Variants in NALF1 observed in about 807,000 individuals in gnomAD.
The protein encoded by NALF1 is family with sequence similarity 155 member A.
In NALF1, 3 loss-of-function variants were observed where a neutral mutation model predicts 48.4. That is an observed-to-expected ratio of 0.06 (90% confidence interval 0.03 to 0.16). The LOEUF (loss-of-function observed/expected upper bound fraction) is 0.16, where lower values mean the gene tolerates loss of function less well. Among genes scored for constraint, NALF1 ranks in the 10% least tolerant of loss-of-function variants. The pLI, the probability that NALF1 is intolerant of heterozygous loss-of-function variation, is 1.00. For synonymous variants in NALF1, 262 were observed against 245.7 expected (o/e 1.07, Z -0.62); for missense variants, 526 against 571.5 (o/e 0.92, Z 0.81).
At chr13:107,280,865 C>G (rs1881373388) in intron 1 of NALF1, among the ~76,000 whole-genome samples, 1 of 152,170 alleles carries the variant, frequency 6.6e-6, no homozygotes, top group Admixed American at 6.5e-5. Flanking sequence ...AATTGCATCC[C>G]TGATTTTTCT....
chr13:107,281,612 G>A (rs1182275651), intron 1 of NALF1, among the ~76,000 whole-genome samples: 8 of 152,094 alleles, frequency 5.3e-5, no homozygotes, highest in African/African-American at 1.4e-4. Flanking sequence ...ATATGAAGGC[G>A]GTGCATCCAT....
At chr13:107,305,579 G>T (rs1881920773) in intron 1 of NALF1, among the ~76,000 whole-genome samples, 1 of 152,170 alleles carries the variant, frequency 6.6e-6, no homozygotes, top group African/African-American at 2.4e-5. Context: ...CTGACACAGT[G>T]AGGATGGCAG....
chr13:107,540,410 A>G (rs185474351), intron 1 of NALF1, among the ~76,000 whole-genome samples: 149 of 152,264 alleles, frequency 9.8e-4, no homozygotes, highest in African/African-American at 3.2e-3. Flanking sequence ...CATAAACAAC[A>G]TTTAAATTTC....
intron 1 of NALF1, among the ~76,000 whole-genome samples, chr13:107,629,203 CTTCA>C (rs1407452273): frequency 2.6e-5 from 4 of 152,140 alleles, no homozygotes; most frequent in Non-Finnish European, 4.4e-5. Context: ...CAAAACACAT[CTTCA>C]TTTATTTGAC....
chr13:107,498,127 A>T (rs562186703), intron 1 of NALF1, among the ~76,000 whole-genome samples: 113 of 152,340 alleles, frequency 7.4e-4, no homozygotes, highest in Non-Finnish European at 1.4e-3. Context: ...AAAGCAAATC[A>T]TGTACACATA....
chr13:107,511,855 T>C (rs754654996), intron 1 of NALF1, among the ~76,000 whole-genome samples: 2 of 152,228 alleles, frequency 1.3e-5, no homozygotes, highest in Non-Finnish European at 2.9e-5. Flanking sequence ...GTTATTCCTC[T>C]CTTCACCTCC....
At chr13:107,830,449 C>T (rs1425474482) in intron 1 of NALF1, among the ~76,000 whole-genome samples, 1 of 152,180 alleles carries the variant, frequency 6.6e-6, no homozygotes, top group East Asian at 1.9e-4. Flanking sequence ...CCAACACTTG[C>T]TATTTTTTGA....
chr13:107,204,123 C>T (rs1232131236), intron 2 of NALF1, among the ~76,000 whole-genome samples: 1 of 151,474 alleles, frequency 6.6e-6, no homozygotes, highest in Non-Finnish European at 1.5e-5. Flanking sequence ...CACAAGCTCT[C>T]CCTGCTCTCC....
At chr13:107,555,669 A>C (rs1877448830) in intron 1 of NALF1, among the ~76,000 whole-genome samples, 1 of 152,022 alleles carries the variant, frequency 6.6e-6, no homozygotes, top group African/African-American at 2.4e-5. Flanking sequence ...CACTTTGGGT[A>C]ACAATCATTA....
intron 1 of NALF1, among the ~76,000 whole-genome samples, chr13:107,460,613 C>T (rs1031622439): frequency 1.3e-5 from 2 of 152,132 alleles, no homozygotes; most frequent in East Asian, 1.9e-4. Context: ...ACACAGATTT[C>T]GACCTAGTGC....
At position 107,819,075 on chromosome 13, in the gene NALF1, T is replaced by A. The variant is rs149394919; in HGVS notation, c.915+46607A>T. 1.1e-3 allele frequency among the ~76,000 whole-genome samples: 165 copies of A among 152,266 alleles called. 1 individual carries two copies. Among genetic ancestry groups the A allele is most frequent in the African/African-American group, 3.7e-3 (154 of 41,554 alleles). ...AAGCTCTTACAGATGCATACTCCCA[T>A]GACAACCTGTAACTTTTGTAATGTT... On this transcript the variant is annotated intron_variant, in intron 1 of 2. Transcript: ENST00000375915.
chr13:107,270,396 C>A (rs1881136926), intron 1 of NALF1, among the ~76,000 whole-genome samples: 1 of 151,826 alleles, frequency 6.6e-6, no homozygotes, highest in Admixed American at 6.6e-5. Context: ...TAAAATATTG[C>A]ATATATTTTG....
At chr13:107,205,562 A>G (rs1879623097) in intron 2 of NALF1, among the ~76,000 whole-genome samples, 1 of 152,176 alleles carries the variant, frequency 6.6e-6, no homozygotes, top group South Asian at 2.1e-4. Context: ...AGCAGCCCAC[A>G]GTATTTTCCC....
intron 2 of NALF1, among the ~76,000 whole-genome samples, chr13:107,189,334 A>T (rs1275158393): frequency 6.6e-6 from 1 of 152,196 alleles, no homozygotes; most frequent in African/African-American, 2.4e-5. Flanking sequence ...TCACACAGTA[A>T]TTTTTTTAAT....
intron 1 of NALF1, among the ~76,000 whole-genome samples, chr13:107,321,146 C>T (rs1882247248): frequency 6.6e-6 from 1 of 151,994 alleles, no homozygotes; most frequent in African/African-American, 2.4e-5. Context: ...AAAAGGATAG[C>T]AAATGTTTTT....
At chr13:107,801,523 T>C (rs1272491585) in intron 1 of NALF1, among the ~76,000 whole-genome samples, 1 of 152,150 alleles carries the variant, frequency 6.6e-6, no homozygotes, top group Non-Finnish European at 1.5e-5. Flanking sequence ...GCAATAATAA[T>C]AAGACAGATG....
rs539686487 is a variant in NALF1 at position 107,394,490 on chromosome 13, A to G, written c.916-183735T>C. ...GAGCTATTATTAGGTAAGCCAAGAC[A>G]AAGTTGTAAACTGGGGCCATCACAG... On this transcript the variant is annotated intron_variant, in intron 1 of 2. Transcript: ENST00000375915. Among the ~76,000 whole-genome samples the G allele has an allele frequency of 4.6e-5, 7 of 152,212 alleles. No individual in the cohort carries two copies. In the South Asian group the frequency reaches 6.2e-4, roughly 13 times the overall value.
intron 1 of NALF1, among the ~76,000 whole-genome samples, chr13:107,758,434 T>C (rs1397749582): frequency 1.3e-5 from 2 of 152,070 alleles, no homozygotes; most frequent in East Asian, 3.9e-4. Context: ...ATAAAAAGCA[T>C]GTATAGGCTT....
At chr13:107,370,287 C>T (rs553041865) in intron 1 of NALF1, among the ~76,000 whole-genome samples, 1 of 152,334 alleles carries the variant, frequency 6.6e-6, no homozygotes, top group Admixed American at 6.5e-5. Context: ...AGCTGTGAGG[C>T]ATACATCCTT....
Sources: allele counts gnomAD v4.1 joint callset (sites outside exome capture counted in the v4.1 genomes callset), GRCh38; gene constraint gnomAD v4.1.1; transcripts MANE v1.5; gene names NCBI Gene and HGNC (gene_info 2026-07-23, HGNC 2026-07-21).